MGAT4C: variants seen among roughly 807,000 people sequenced by gnomAD.
MGAT4C encodes the protein MGAT4 family member C.
Under a neutral mutation model 40.1 loss-of-function variants are expected in MGAT4C, and 19 were observed. The observed-to-expected ratio is 0.47, with a 90% CI of 0.33 to 0.70. MGAT4C has a LOEUF of 0.70. Among genes scored for constraint, MGAT4C ranks in the 30% least tolerant of loss-of-function variants. The pLI, the probability that MGAT4C is intolerant of heterozygous loss-of-function variation, is 0.02. For missense variants in MGAT4C, 491 were observed against 563.2 expected, an observed-to-expected ratio of 0.87 and a Z score of 1.30; for synonymous variants, 181 against 187.1, an observed-to-expected ratio of 0.97 and a Z score of 0.27.
Position 85,974,065 on chromosome 12 carries a change from G to A in MGAT4C, c.*5224C>T, listed in dbSNP as rs528844970. ...TATTTTTATAGCTTAGAAAGAGAAT[G>A]CTATGCAACTCATATTTTGATCTTT... On this transcript the variant is annotated 3_prime_UTR_variant, in exon 5 of 5. Transcript: ENST00000611864. 1 of 150,970 alleles carries A rather than the reference G, an allele frequency of 6.6e-6. No individual in the cohort carries two copies. Among genetic ancestry groups the A allele is most frequent in the South Asian group, 2.1e-4 (1 of 4,826 alleles). 9.4% of individuals were successfully genotyped at this position (150,970 alleles called of 1,614,324 possible).
intron 1 of MGAT4C, among the ~76,000 whole-genome samples, chr12:86,172,760 T>G (rs904961821): frequency 2.0e-5 from 3 of 152,118 alleles, no homozygotes; most frequent in Admixed American, 2.0e-4. Flanking sequence ...GATTAGCACT[T>G]AATTTTTTTA....
intron 2 of MGAT4C, among the ~76,000 whole-genome samples, chr12:86,589,092 C>T (rs1171730385): frequency 6.6e-6 from 1 of 151,022 alleles, no homozygotes; most frequent in Non-Finnish European, 1.5e-5. Flanking sequence ...AAAAACCCTT[C>T]AAAAAATTAA....
At chr12:86,536,483 G>C (rs1017152583) in intron 2 of MGAT4C, among the ~76,000 whole-genome samples, 3 of 152,080 alleles carry the variant, frequency 2.0e-5, no homozygotes, top group Non-Finnish European at 4.4e-5. Context: ...CTTAAAATGA[G>C]TCTTCAGTTA....
intron 2 of MGAT4C, among the ~76,000 whole-genome samples, chr12:86,641,399 T>A (rs1487640261): frequency 6.6e-6 from 1 of 151,630 alleles, no homozygotes; most frequent in East Asian, 2.0e-4. Context: ...GGGATAGCTT[T>A]AGGAGATATA....
intron 2 of MGAT4C, among the ~76,000 whole-genome samples, chr12:86,527,043 G>A (rs1387024532): frequency 6.6e-6 from 1 of 152,076 alleles, no homozygotes; most frequent in African/African-American, 2.4e-5. Flanking sequence ...TCTTCCCTCT[G>A]TCCACTCTTG....
intron 1 of MGAT4C, among the ~76,000 whole-genome samples, chr12:86,828,689 T>C (rs1261400095): frequency 6.6e-6 from 1 of 151,508 alleles, no homozygotes; most frequent in Non-Finnish European, 1.5e-5. Flanking sequence ...GGGATGCTAT[T>C]GGGCAAAGAA....
At chr12:86,191,128 CACA>C (rs1889392199) in intron 1 of MGAT4C, among the ~76,000 whole-genome samples, 1 of 137,404 alleles carries the variant, frequency 7.3e-6, no homozygotes, top group South Asian at 2.2e-4. Flanking sequence ...CACACACACA[CACA>C]CACCCCTATA....
rs772826388 is a variant in MGAT4C, at chr12:86,034,746, C to G, written c.-7+14928G>C. 3.3e-5 allele frequency among the ~76,000 whole-genome samples: 5 copies of G among 149,262 alleles called. 1 individual carries two copies. Among genetic ancestry groups the G allele is most frequent in the Non-Finnish European group, 7.5e-5 (5 of 66,574 alleles). On this transcript the variant is annotated intron_variant, in intron 2 of 4. Transcript: ENST00000611864. The stretch of plus-strand genomic sequence containing the variant: ...CCTACCCTAGCCCCCGACACCCCAA[C>G]AGGTTCCGGTGTGTGATGTTCCCCT...
At chr12:86,058,643 AT>A (rs1403412266) in intron 1 of MGAT4C, among the ~76,000 whole-genome samples, 4 of 152,118 alleles carry the variant, frequency 2.6e-5, no homozygotes, top group African/African-American at 9.6e-5. Context: ...CCAAGGCAAC[AT>A]ATATATGTCT....
intron 2 of MGAT4C, among the ~76,000 whole-genome samples, chr12:86,692,320 A>G (rs961286365): frequency 1.3e-5 from 2 of 152,164 alleles, no homozygotes; most frequent in Non-Finnish European, 2.9e-5. Context: ...GTATAATTAC[A>G]TGTTATCACA....
At chr12:86,021,998 C>T (rs570589150) in intron 2 of MGAT4C, among the ~76,000 whole-genome samples, 15 of 152,154 alleles carry the variant, frequency 9.9e-5, no homozygotes, top group South Asian at 4.2e-4. Context: ...GCTCAGATTA[C>T]GAATCATTTT....
Position 85,970,019 on chromosome 12 carries a change from A to G in MGAT4C, c.*9270T>C, listed in dbSNP as rs1883544808. 1 of 151,210 alleles carries G rather than the reference A, an allele frequency of 6.6e-6. No homozygotes were observed. The highest frequency in any genetic ancestry group is 2.4e-5 in the African/African-American group (1 of 41,350). 9.4% of individuals were successfully genotyped at this position (151,210 alleles called of 1,614,324 possible). A position where few individuals can be genotyped will look rare whatever the true frequency, so the allele number is the denominator to read the frequency against. On this transcript the variant is annotated 3_prime_UTR_variant, in exon 5 of 5. Coordinates refer to ENST00000611864, the MANE Select transcript of MGAT4C (RefSeq NM_001351288.2). ...ATCTGTAAATTAGAAGTTATTTGTTATATTTGTTTCGTTTCCTTATTGCCC... is the reference window on the plus strand; with the variant it reads ...ATCTGTAAATTAGAAGTTATTTGTTGTATTTGTTTCGTTTCCTTATTGCCC...
At chr12:86,173,931 A>C (rs2135840768) in intron 1 of MGAT4C, among the ~76,000 whole-genome samples, 1 of 151,920 alleles carries the variant, frequency 6.6e-6, no homozygotes, top group Non-Finnish European at 1.5e-5. Flanking sequence ...TTGTCCTGTG[A>C]TATCACTGTG....
intron 1 of MGAT4C, among the ~76,000 whole-genome samples, chr12:86,829,294 T>C (rs1333422632): frequency 6.6e-6 from 1 of 151,590 alleles, no homozygotes; most frequent in African/African-American, 2.4e-5. Context: ...TATTTTCTAA[T>C]AATATTATTT....
intron 1 of MGAT4C, among the ~76,000 whole-genome samples, chr12:86,765,420 G>C (rs1383888504): frequency 6.6e-6 from 1 of 152,152 alleles, no homozygotes; most frequent in African/African-American, 2.4e-5. Flanking sequence ...GGGTAGAATG[G>C]AACCAAGTTG....
chr12:86,430,807 G>T (rs529277421), intron 3 of MGAT4C, among the ~76,000 whole-genome samples: 9 of 152,150 alleles, frequency 5.9e-5, no homozygotes, highest in East Asian at 1.9e-4. Context: ...CCATGAAGTG[G>T]TTTTTTTGGC....
At chr12:86,175,795 C>CAAAAAAAAA (rs61441239) in intron 1 of MGAT4C, among the ~76,000 whole-genome samples, 2 of 83,670 alleles carry the variant, frequency 2.4e-5, no homozygotes, top group African/African-American at 5.0e-5. Flanking sequence ...ACTAAAAATA[C>CAAAAAAAAA]AAAAAAAAAA....
intron 2 of MGAT4C, among the ~76,000 whole-genome samples, chr12:86,621,130 G>GTATATAATTT (rs1962622397): frequency 6.6e-6 from 1 of 151,554 alleles, no homozygotes; most frequent in Non-Finnish European, 1.5e-5. Flanking sequence ...ATTTTATATA[G>GTATATAATTT]TACCCAATCA....
chr12:86,447,784 A>AT (rs1592859970), intron 2 of MGAT4C, among the ~76,000 whole-genome samples: 1 of 152,164 alleles, frequency 6.6e-6, no homozygotes, highest in Non-Finnish European at 1.5e-5. Flanking sequence ...GAATGAAACT[A>AT]TTTTTTACAA....
Sources: allele counts gnomAD v4.1 joint callset (sites outside exome capture counted in the v4.1 genomes callset), GRCh38; gene constraint gnomAD v4.1.1; transcripts MANE v1.5; gene names NCBI Gene and HGNC (gene_info 2026-07-23, HGNC 2026-07-21).